Variants in EPS15L1 observed in about 807,000 individuals in gnomAD.
EPS15L1 encodes epidermal growth factor receptor substrate 15-like 1.
Under a neutral mutation model 117.1 loss-of-function variants are expected in EPS15L1, and 43 were observed. That is an observed-to-expected ratio of 0.37 (90% CI 0.29 to 0.47). EPS15L1 has a LOEUF of 0.47. EPS15L1 is among the 20% of genes least tolerant of loss of function. The pLI, the probability that EPS15L1 is intolerant of heterozygous loss-of-function variation, is 0.99. For synonymous variants in EPS15L1, 459 were observed against 470.5 expected (o/e 0.98, Z 0.32); for missense variants, 981 against 1,164.0 (o/e 0.84, Z 2.29).
intron 23 of EPS15L1, chr19:16,358,154 AGT>A (rs1411002174): frequency 6.5e-6 from 1 of 152,784 alleles, no homozygotes; most frequent in East Asian, 1.9e-4. Flanking sequence ...CCCGTGTCAC[AGT>A]GTCACTGAAG....
chr19:16,445,794 A>C (rs1051751575), intron 1 of EPS15L1, among the ~76,000 whole-genome samples: 1 of 152,186 alleles, frequency 6.6e-6, no homozygotes, highest in African/African-American at 2.4e-5. Context: ...GAGGGGACGC[A>C]CCAGGGGATG....
chr19:16,447,102 C>T (rs2093090997), intron 1 of EPS15L1, among the ~76,000 whole-genome samples: 1 of 152,184 alleles, frequency 6.6e-6, no homozygotes, highest in East Asian at 1.9e-4. Context: ...AATGTGAGCC[C>T]AGCCCTCCCA....
At chr19:16,387,745 G>A (rs535864304) in intron 19 of EPS15L1, among the ~76,000 whole-genome samples, 15 of 152,162 alleles carry the variant, frequency 9.9e-5, no homozygotes, top group Admixed American at 4.6e-4. Context: ...CAGCCTGGGC[G>A]AAAGAGCGAG....
intron 1 of EPS15L1, among the ~76,000 whole-genome samples, chr19:16,447,930 A>C (rs188531723): frequency 6.6e-6 from 1 of 152,306 alleles, no homozygotes; most frequent in Admixed American, 6.5e-5. Context: ...AGAATGTAGA[A>C]TCTGAGAAAC....
rs566924916 is a variant in EPS15L1, at chr19:16,422,802, C to T, written c.793-1326G>A. Among the ~76,000 whole-genome samples, 14 of 152,066 alleles carry T rather than the reference C, an allele frequency of 9.2e-5. No individual in the cohort carries two copies. In the East Asian group the frequency reaches 2.5e-3, roughly 27 times the overall value. On this transcript the variant is annotated intron_variant, in intron 9 of 23. Transcript: ENST00000455140. ...TGAAACCCCCTCTCTACTAAAAACA[C>T]GAAAAATTAGCCAGGTGTGGTGGTA...
rs138498967 is a variant in EPS15L1 at position 16,464,881 on chromosome 19, C to T, written c.33+7032G>A. On this transcript the variant is annotated intron_variant, in intron 1 of 23. Coordinates refer to ENST00000455140, the MANE Select transcript of EPS15L1 (RefSeq NM_001258374.3). Reference sequence around the variant, plus strand: ...GGCAGATCACAAGGTCAGATCGAGACCATCCTGCCTAACCAGTGAAACCCC... The same window carrying T: ...GGCAGATCACAAGGTCAGATCGAGATCATCCTGCCTAACCAGTGAAACCCC... Among the ~76,000 whole-genome samples the T allele has an allele frequency of 1.1e-3, 161 of 151,434 alleles. 1 individual carries two copies. The East Asian group carries it at 0.028, about 27-fold the overall frequency.
chr19:16,408,034 C>T (rs1484681839), intron 13 of EPS15L1, among the ~76,000 whole-genome samples: 1 of 152,128 alleles, frequency 6.6e-6, no homozygotes, highest in African/African-American at 2.4e-5. Flanking sequence ...TGGGTGGCCA[C>T]ATCTAAGGGG....
At chr19:16,466,269 T>C (rs1568475110) in intron 1 of EPS15L1, among the ~76,000 whole-genome samples, 2 of 152,094 alleles carry the variant, frequency 1.3e-5, no homozygotes, top group Non-Finnish European at 2.9e-5. Flanking sequence ...CTCTTGCCCC[T>C]ATACACTGAA....
intron 13 of EPS15L1, among the ~76,000 whole-genome samples, chr19:16,407,706 C>A (rs1284702631): frequency 6.6e-6 from 1 of 152,176 alleles, no homozygotes; most frequent in Admixed American, 6.5e-5. Flanking sequence ...ATTGTTTAAA[C>A]CTTGCTGGGT....
In EPS15L1 at chr19:16,379,091, T is replaced by C. The variant is rs978702317; in HGVS notation, c.2248-1837A>G. On this transcript the variant is annotated intron_variant, in intron 21 of 23. Transcript: ENST00000455140. Reference sequence around the variant, plus strand: ...GGCCGAGGCGGGCAGATCACGAGGTTAGGAGATCAAGACCAGCCCAGCTAA... The same window carrying C: ...GGCCGAGGCGGGCAGATCACGAGGTCAGGAGATCAAGACCAGCCCAGCTAA... 5.9e-5 allele frequency among the ~76,000 whole-genome samples: 9 copies of C among 151,934 alleles called. No individual in the cohort carries two copies. In the East Asian group the frequency reaches 1.4e-3, roughly 23 times the overall value.
chr19:16,459,762 C>T (rs979281018), intron 1 of EPS15L1, among the ~76,000 whole-genome samples: 4 of 152,064 alleles, frequency 2.6e-5, no homozygotes, highest in South Asian at 2.1e-4. Context: ...GGGAGCAGGC[C>T]GTATTTACAA....
At chr19:16,463,517 C>A (rs2093273027) in intron 1 of EPS15L1, among the ~76,000 whole-genome samples, 2 of 152,184 alleles carry the variant, frequency 1.3e-5, no homozygotes, top group South Asian at 4.1e-4. Flanking sequence ...GCAGCCAGAT[C>A]ATCTAAAGGT....
At chr19:16,441,629 CAAAA>C (rs369757727) in intron 3 of EPS15L1, 280 of 86,944 alleles carry the variant, frequency 3.2e-3, no homozygotes, top group Middle Eastern at 0.016. Flanking sequence ...AACTCTGTCT[CAAAA>C]AAAAAAAAAA....
chr19:16,409,937 C>CAAAA (rs140859526), intron 13 of EPS15L1, among the ~76,000 whole-genome samples: 1 of 45,030 alleles, frequency 2.2e-5, no homozygotes, highest in Non-Finnish European at 4.0e-5. Flanking sequence ...GACTCTGTCT[C>CAAAA]AAAAAAAAAA....
At chr19:16,448,554 G>GGGC (rs1555767243) in intron 1 of EPS15L1, among the ~76,000 whole-genome samples, 3 of 143,876 alleles carry the variant, frequency 2.1e-5, no homozygotes, top group Non-Finnish European at 4.5e-5. Flanking sequence ...AAAAGGGGGG[G>GGGC]GGAGAAAGGC....
rs779002070 is a variant in EPS15L1 at position 16,361,792 on chromosome 19, G to A, written c.2573C>T (p.Ala858Val). The A allele has an allele frequency of 1.2e-6, 2 of 1,613,372 alleles. No homozygotes were observed. Among genetic ancestry groups the A allele is most frequent in the Admixed American group, 1.7e-5 (1 of 59,914 alleles). ...GACTCAACTTACAGAGGTGAAGTCTGCAAAGCCCGAGGCAGAGGCCTTAGA... is the reference window on the plus strand; with the variant it reads ...GACTCAACTTACAGAGGTGAAGTCTACAAAGCCCGAGGCAGAGGCCTTAGA... ...KPSKASASGF[A>V]DFTSFGNEEQ... is the part of the protein sequence containing the mutation. The change falls in exon 23 of 24, where the codon GCA becomes GTA. Residue 858 changes from alanine to valine, a missense_variant. By Grantham distance (64) the Ala-to-Val change is moderately conservative. Around this residue, in one of 5 missense-constraint regions of EPS15L1, gnomAD observed 819 missense variants for 949.0 expected, o/e 0.86. Coordinates refer to ENST00000455140, the MANE Select transcript of EPS15L1 (RefSeq NM_001258374.3).
At chr19:16,392,193 C>T in intron 19 of EPS15L1, 111 bp downstream of exon 19, 2 of 1,243,622 alleles carry the variant, frequency 1.6e-6, no homozygotes, top group Non-Finnish European at 2.3e-6. Flanking sequence ...ATGGCCCACA[C>T]TCGCAGGCAC....
intron 7 of EPS15L1, among the ~76,000 whole-genome samples, chr19:16,432,057 T>C (rs775039522): frequency 1.3e-5 from 2 of 152,218 alleles, no homozygotes; most frequent in Non-Finnish European, 2.9e-5. Flanking sequence ...CGGTGTATGA[T>C]AGGGGCCCTG....
intron 3 of EPS15L1, chr19:16,441,148 T>G (rs2093027576): frequency 1.8e-6 from 1 of 559,140 alleles, no homozygotes; most frequent in Non-Finnish European, 3.2e-6. Flanking sequence ...AAGCCAATGG[T>G]GTTTATGACA....
Sources: allele counts gnomAD v4.1 joint callset (sites outside exome capture counted in the v4.1 genomes callset), GRCh38; gene constraint gnomAD v4.1.1; regional missense constraint gnomAD v4.1.1; transcripts MANE v1.5; gene names NCBI Gene and HGNC (gene_info 2026-07-23, HGNC 2026-07-21).